Variants in PCCA observed in about 807,000 individuals in gnomAD.
PCCA encodes the protein propionyl-CoA carboxylase subunit alpha, also known as propionyl-CoA carboxylase alpha chain, mitochondrial.
A neutral mutation model predicts 101.3 loss-of-function variants in PCCA; 74 were observed. That is an observed-to-expected ratio of 0.73 (90% CI 0.61 to 0.89). The LOEUF (loss-of-function observed/expected upper bound fraction) is 0.89. Among genes scored for constraint, PCCA ranks in the 40% least tolerant of loss-of-function variants. The pLI, the probability that PCCA is intolerant of heterozygous loss-of-function variation, is 0.00. For missense variants in PCCA, 891 were observed against 907.0 expected (o/e 0.98, Z 0.23); for synonymous variants, 294 against 313.6 (o/e 0.94, Z 0.66).
chr13:100,091,690 A>G (rs1324337485), intron 1 of PCCA, among the ~76,000 whole-genome samples: 1 of 152,136 alleles, frequency 6.6e-6, no homozygotes, highest in African/African-American at 2.4e-5. Flanking sequence ...GGTCTAGTCT[A>G]GAGAATTCTG....
intron 20 of PCCA, among the ~76,000 whole-genome samples, chr13:100,443,463 AT>A (rs1412154321): frequency 3.3e-5 from 5 of 151,782 alleles, no homozygotes; most frequent in Admixed American, 1.3e-4. Context: ...AAAAAAAAAA[AT>A]CAATAATGTT....
chr13:100,377,715 C>T (rs1391350854), intron 19 of PCCA, among the ~76,000 whole-genome samples: 3 of 152,010 alleles, frequency 2.0e-5, no homozygotes, highest in Non-Finnish European at 1.5e-5. Context: ...AGGATGGTCT[C>T]GATCTCCTGA....
intron 19 of PCCA, among the ~76,000 whole-genome samples, chr13:100,415,142 G>T (rs1195286678): frequency 6.6e-6 from 1 of 151,550 alleles, no homozygotes; most frequent in East Asian, 1.9e-4. Context: ...AGTGGCTCAT[G>T]CCTGTAATCT....
chr13:100,388,984 C>T lies in PCCA; in HGVS notation c.1746+20410C>T, dbSNP rs1349783627. 3.3e-5 allele frequency among the ~76,000 whole-genome samples: 5 copies of T among 152,118 alleles called. No homozygotes were observed. The East Asian group carries it at 9.6e-4, about 29-fold the overall frequency. ...ATTGATCATTTTAGTTGTAATATAA[C>T]AGCTGTTTATTGAGTACCTTTTATG... is the stretch of plus-strand genomic sequence containing the variant. On this transcript the variant is annotated intron_variant, in intron 19 of 23. Coordinates refer to ENST00000376285, the MANE Select transcript of PCCA (RefSeq NM_000282.4).
At chr13:100,191,283 C>T (rs2057724789) in intron 6 of PCCA, among the ~76,000 whole-genome samples, 1 of 152,202 alleles carries the variant, frequency 6.6e-6, no homozygotes, top group African/African-American at 2.4e-5. Context: ...AAGTGCACAG[C>T]ATTTTACCGC....
intron 6 of PCCA, among the ~76,000 whole-genome samples, chr13:100,167,211 AG>A (rs2055135559): frequency 6.6e-6 from 1 of 152,152 alleles, no homozygotes; most frequent in African/African-American, 2.4e-5. Context: ...GTTGAAGTCC[AG>A]GTTATTAATT....
intron 20 of PCCA, 39 bp from the exon 21 acceptor site, chr13:100,449,213 A>C: frequency 7.7e-7 from 1 of 1,296,354 alleles, no homozygotes; most frequent in Non-Finnish European, 1.1e-6. Context: ...CAAGCTGTGC[A>C]GATATGAGTT....
At chr13:100,124,624 G>C (rs1385852734) in intron 4 of PCCA, among the ~76,000 whole-genome samples, 1 of 152,084 alleles carries the variant, frequency 6.6e-6, no homozygotes, top group Admixed American at 6.6e-5. Flanking sequence ...AATAGGACTT[G>C]GTGATGTCTA....
rs558783499 is a variant in PCCA at position 100,102,124 on chromosome 13, A to C, written c.106-759A>C. 6.0e-5 allele frequency among the ~76,000 whole-genome samples: 9 copies of C among 150,710 alleles called. No individual in the cohort carries two copies. The East Asian group carries it at 1.8e-3, about 29-fold the overall frequency. The stretch of plus-strand genomic sequence containing the variant: ...TCTGTCTGTCTCTCTGTATCTCTCT[A>C]TCTCTTTTCTTTTTCTCCTTTCTTT... On this transcript the variant is annotated intron_variant, in intron 1 of 23. Transcript: ENST00000376285.
chr13:100,367,921 G>GC (rs1384778742), intron 18 of PCCA, among the ~76,000 whole-genome samples: 2 of 151,732 alleles, frequency 1.3e-5, no homozygotes, highest in Non-Finnish European at 2.9e-5. Flanking sequence ...TCGCACCATT[G>GC]CACTCCAGCC....
At chr13:100,432,643 A>G (rs1460961994) in intron 20 of PCCA, among the ~76,000 whole-genome samples, 2 of 152,176 alleles carry the variant, frequency 1.3e-5, no homozygotes, top group African/African-American at 2.4e-5. Flanking sequence ...TCAAAATGCC[A>G]TTGTAGAATA....
At chr13:100,347,155 G>A (rs2072394063) in intron 18 of PCCA, among the ~76,000 whole-genome samples, 1 of 152,216 alleles carries the variant, frequency 6.6e-6, no homozygotes, top group East Asian at 1.9e-4. Context: ...GTTTACAGGT[G>A]TTAGCCACCA....
intron 12 of PCCA, among the ~76,000 whole-genome samples, chr13:100,281,034 C>T (rs1048801078): frequency 1.3e-5 from 2 of 152,048 alleles, no homozygotes; most frequent in African/African-American, 4.8e-5. Flanking sequence ...AAAAAAAATC[C>T]GCCTCGGTGA....
intron 7 of PCCA, among the ~76,000 whole-genome samples, chr13:100,217,504 G>A (rs372665089): frequency 8.5e-5 from 13 of 152,076 alleles, no homozygotes; most frequent in East Asian, 3.9e-4. Flanking sequence ...AAGGACTTTA[G>A]ATAGACTTAA....
At chr13:100,133,031 A>C (rs2050710504) in intron 4 of PCCA, among the ~76,000 whole-genome samples, 1 of 152,122 alleles carries the variant, frequency 6.6e-6, no homozygotes, top group African/African-American at 2.4e-5. Flanking sequence ...CACCTGCCTC[A>C]GCCTCCCAAA....
chr13:100,402,367 T>C (rs1373546337), intron 19 of PCCA, among the ~76,000 whole-genome samples: 1 of 152,104 alleles, frequency 6.6e-6, no homozygotes, highest in Non-Finnish European at 1.5e-5. Flanking sequence ...GATGCTTGTG[T>C]CAGTTTTTAT....
chr13:100,247,420 A>G (rs1202303785), intron 8 of PCCA, among the ~76,000 whole-genome samples: 4 of 146,962 alleles, frequency 2.7e-5, no homozygotes, highest in Admixed American at 1.4e-4. Flanking sequence ...GTTTCACCAT[A>G]TTAGCCAGGA....
At chr13:100,271,305 A>T (rs1329469335) in intron 11 of PCCA, among the ~76,000 whole-genome samples, 1 of 152,198 alleles carries the variant, frequency 6.6e-6, no homozygotes, top group Admixed American at 6.5e-5. Flanking sequence ...TAGATAATTC[A>T]TAACACTTGA....
At chr13:100,123,441 A>G (rs1469818346) in intron 4 of PCCA, among the ~76,000 whole-genome samples, 1 of 152,256 alleles carries the variant, frequency 6.6e-6, no homozygotes, top group African/African-American at 2.4e-5. Flanking sequence ...CTATATATCA[A>G]TAAGGTAGAA....
Sources: gnomAD v4.1 joint callset for allele counts (sites outside exome capture counted in the v4.1 genomes callset) on GRCh38, gnomAD v4.1.1 for gene constraint, MANE v1.5 for transcripts, NCBI Gene and HGNC (gene_info 2026-07-23, HGNC 2026-07-21) for gene names.